The following SLC6A15 variants were observed in gnomAD, a reference collection of about 807,000 sequenced individuals.
SLC6A15 encodes sodium-dependent neutral amino acid transporter B(0)AT2.
Under a neutral mutation model 68.5 loss-of-function variants are expected in SLC6A15, and 33 were observed. That is an observed-to-expected ratio of 0.48 (90% CI 0.37 to 0.64). SLC6A15 has a LOEUF of 0.64. Among genes scored for constraint, SLC6A15 ranks in the 30% least tolerant of loss-of-function variants. The pLI, the probability that SLC6A15 is intolerant of heterozygous loss-of-function variation, is 0.00. For missense variants in SLC6A15, 747 were observed against 874.3 expected, an observed-to-expected ratio of 0.85 and a Z score of 1.84; for synonymous variants, 347 against 301.0, an observed-to-expected ratio of 1.15 and a Z score of -1.58.
chr12:84,866,392 A>C (rs1211854082), intron 10 of SLC6A15, among the ~76,000 whole-genome samples: 1 of 152,166 alleles, frequency 6.6e-6, no homozygotes, highest in Non-Finnish European at 1.5e-5. Context: ...TTTATGAATA[A>C]ATAGTGAATT....
intron 10 of SLC6A15, among the ~76,000 whole-genome samples, chr12:84,864,557 T>C (rs1440032357): frequency 6.6e-6 from 1 of 152,070 alleles, no homozygotes; most frequent in East Asian, 1.9e-4. Flanking sequence ...TGACCTCAAG[T>C]GATCTGCCCA....
chr12:84,875,733 A>T, intron 6 of SLC6A15, among the ~76,000 whole-genome samples: 1 of 127,634 alleles, frequency 7.8e-6, no homozygotes, highest in African/African-American at 2.9e-5. Context: ...TTAAAGCAGT[A>T]TAAGAAATTA....
intron 1 of SLC6A15, among the ~76,000 whole-genome samples, chr12:84,901,825 C>A (rs1191179062): frequency 6.7e-6 from 1 of 150,074 alleles, no homozygotes; most frequent in African/African-American, 2.5e-5. Context: ...TAAAATTTCA[C>A]TGAAAAAAAA....
intron 1 of SLC6A15, among the ~76,000 whole-genome samples, chr12:84,910,948 T>C (rs1160304071): frequency 1.3e-5 from 2 of 151,158 alleles, no homozygotes; most frequent in African/African-American, 4.9e-5. Context: ...TGTGTGTGTG[T>C]GTGTGTCTTT....
intron 5 of SLC6A15, chr12:84,881,783 C>T (rs950008626): frequency 4.3e-6 from 4 of 932,614 alleles, no homozygotes; most frequent in South Asian, 5.0e-5. Context: ...TAGGTAAACA[C>T]AAAGCTTAAC....
intron 5 of SLC6A15, chr12:84,882,072 G>C (rs1871845329): frequency 1.0e-6 from 1 of 985,222 alleles, no homozygotes; most frequent in African/African-American, 1.7e-5. Flanking sequence ...CCAAGATTCT[G>C]TGATAAGAAA....
At chr12:84,863,391 G>C in intron 11 of SLC6A15, 48 bp downstream of exon 11, 1 of 1,448,024 alleles carries the variant, frequency 6.9e-7, no homozygotes, top group Non-Finnish European at 9.2e-7. Flanking sequence ...CTCTAAAAAA[G>C]CTTTTTATAT....
chr12:84,874,925 T>C (rs1344780798), intron 6 of SLC6A15, among the ~76,000 whole-genome samples: 1 of 152,186 alleles, frequency 6.6e-6, no homozygotes, highest in East Asian at 1.9e-4. Flanking sequence ...TACAGAAATG[T>C]AATAGAGTCT....
intron 2 of SLC6A15, among the ~76,000 whole-genome samples, chr12:84,889,504 AAAAATAAAAATAAAAAT>A (rs1276773606): frequency 2.0e-4 from 28 of 137,302 alleles, no homozygotes; most frequent in African/African-American, 8.5e-4. Flanking sequence ...AGAAAAAAAT[AAAAATAAAAATAAAAAT>A]AAAAATAAAA....
chr12:84,891,774 T>A (rs909645788), intron 2 of SLC6A15, 58 bp downstream of exon 2: 11 of 1,489,412 alleles, frequency 7.4e-6, no homozygotes, highest in South Asian at 2.6e-5. Flanking sequence ...ATAGGAGCTA[T>A]TTGAGAAACC....
chr12:84,867,000 T>A, intron 10 of SLC6A15, 34 bp downstream of exon 10: 4 of 1,457,720 alleles, frequency 2.7e-6, no homozygotes, highest in Non-Finnish European at 3.7e-6. Context: ...AAACTAGAGA[T>A]TAAAAGTGAA....
rs1205902564 is a variant in SLC6A15 at position 84,859,969 on chromosome 12, C to T, written c.*1663G>A. ...ATGTTGGATGAGAACTTACTTCACACTGAATTGTCATAATTTTTTAGTTTT... is the reference window on the plus strand; with the variant it reads ...ATGTTGGATGAGAACTTACTTCACATTGAATTGTCATAATTTTTTAGTTTT... On this transcript the variant is annotated 3_prime_UTR_variant, in exon 12 of 12. Transcript: ENST00000266682. The T allele has an allele frequency of 2.6e-5, 4 of 152,006 alleles. No homozygotes were observed. The highest frequency in any genetic ancestry group is 1.5e-5 in the Non-Finnish European group (1 of 67,906). 9.4% of individuals were successfully genotyped at this position (152,006 alleles called of 1,614,324 possible). A position where few individuals can be genotyped will look rare whatever the true frequency, so the allele number is the denominator to read the frequency against.
chr12:84,861,852 T>C lies in SLC6A15; in HGVS notation c.1973A>G (p.Lys658Arg), dbSNP rs1291720306. The C allele has an allele frequency of 3.7e-6, 6 of 1,613,788 alleles. No individual in the cohort carries two copies. The highest frequency in any genetic ancestry group is 1.3e-5 in the African/African-American group (1 of 74,862). The change falls in exon 12 of 12, where the codon AAG (lysine) becomes AGG (arginine). Residue 658 changes from lysine (K) to arginine (R), a missense_variant. Physicochemically the swap from Lys to Arg is conservative, Grantham distance 26. Transcript: ENST00000266682. Reference protein sequence around the residue: ...SSGNLASVTYKRGRVLKEPVN... With the variant: ...SSGNLASVTYRRGRVLKEPVN... ...AGGCTCTTTCAGGACCCTTCCTCTCTTATAGGTCACAGATGCTAAATTACC... is the reference window on the plus strand; with the variant it reads ...AGGCTCTTTCAGGACCCTTCCTCTCCTATAGGTCACAGATGCTAAATTACC...
intron 1 of SLC6A15, among the ~76,000 whole-genome samples, chr12:84,907,217 G>A (rs1873208204): frequency 1.3e-5 from 2 of 151,800 alleles, no homozygotes; most frequent in African/African-American, 2.4e-5. Context: ...GCGTGGTGGC[G>A]GGTACCTGTA....
intron 8 of SLC6A15, among the ~76,000 whole-genome samples, chr12:84,871,154 C>A (rs1311449312): frequency 6.6e-6 from 1 of 150,972 alleles, no homozygotes; most frequent in Non-Finnish European, 1.5e-5. Context: ...TATACATATA[C>A]ACTATGAATA....
intron 6 of SLC6A15, 96 bp downstream of exon 6, chr12:84,876,401 T>A (rs1871543170): frequency 1.4e-6 from 1 of 696,740 alleles, no homozygotes; most frequent in African/African-American, 1.9e-5. Flanking sequence ...TGTACATACA[T>A]TAGAACAATT....
intron 2 of SLC6A15, among the ~76,000 whole-genome samples, chr12:84,891,081 T>C (rs983831001): frequency 6.6e-6 from 1 of 152,176 alleles, no homozygotes; most frequent in African/African-American, 2.4e-5. Context: ...TTTGTAAAGT[T>C]TTTTCCCTAG....
In SLC6A15 at chr12:84,892,059, TTGAC is replaced by T. The variant is rs760887263; in HGVS notation, c.58_61del (p.Val20LysfsTer19). 6.2e-7 allele frequency: 1 copy of T among 1,614,020 alleles called. No individual in the cohort carries two copies. ...TGCGTCTTCATTGGAAAGAAGGTCT[TTGAC>T]AGACTCAGTAACATCATCATCTAAT... On this transcript the variant is annotated frameshift_variant, in exon 2 of 12. Transcript: ENST00000266682. LOFTEE classifies it high-confidence loss of function.
intron 9 of SLC6A15, among the ~76,000 whole-genome samples, chr12:84,868,209 A>T (rs1380205061): frequency 6.6e-6 from 1 of 152,256 alleles, no homozygotes; most frequent in Non-Finnish European, 1.5e-5. Context: ...TACAGAAATG[A>T]ATGTCATATG....
Sources: gnomAD v4.1 joint callset for allele counts (sites outside exome capture counted in the v4.1 genomes callset) on GRCh38, gnomAD v4.1.1 for gene constraint, MANE v1.5 for transcripts, NCBI Gene and HGNC (gene_info 2026-07-23, HGNC 2026-07-21) for gene names.